The following BRINP1 variants were observed in gnomAD, a reference collection of about 807,000 sequenced individuals.
The protein encoded by BRINP1 is BMP/retinoic acid-inducible neural-specific protein 1.
Under a neutral mutation model 72.9 loss-of-function variants are expected in BRINP1, and 17 were observed. The ratio of observed to expected loss-of-function variants is 0.23; its 90% confidence interval spans 0.16 to 0.35. The LOEUF (loss-of-function observed/expected upper bound fraction) is 0.35, where lower values mean the gene tolerates loss of function less well. BRINP1 is among the 10% of genes least tolerant of loss of function. BRINP1 has a pLI of 1.00. For synonymous variants in BRINP1, 418 were observed against 378.5 expected (o/e 1.10, Z -1.21); for missense variants, 850 against 1,001.6 (o/e 0.85, Z 2.04).
At chr9:119,255,021 T>A (rs1341493628) in intron 2 of BRINP1, among the ~76,000 whole-genome samples, 1 of 152,180 alleles carries the variant, frequency 6.6e-6, no homozygotes, top group East Asian at 1.9e-4. Flanking sequence ...AAGGATTAAA[T>A]CAGAGCCCAA....
chr9:119,197,323 T>C (rs1488380490), intron 7 of BRINP1, among the ~76,000 whole-genome samples: 1 of 152,186 alleles, frequency 6.6e-6, no homozygotes, highest in African/African-American at 2.4e-5. Flanking sequence ...CACTCTCTTC[T>C]CTTGCAGCAT....
intron 3 of BRINP1, among the ~76,000 whole-genome samples, chr9:119,243,832 CAG>C (rs1378876510): frequency 1.3e-5 from 2 of 152,124 alleles, no homozygotes; most frequent in Admixed American, 6.5e-5. Context: ...TCTAGGGATA[CAG>C]AGTCATAGGA....
intron 2 of BRINP1, among the ~76,000 whole-genome samples, chr9:119,251,158 T>C (rs937484536): frequency 1.6e-4 from 24 of 152,176 alleles, no homozygotes. Flanking sequence ...ACTGAGTACC[T>C]TGCATGTTGT....
intron 1 of BRINP1, among the ~76,000 whole-genome samples, chr9:119,331,329 A>C (rs1034228383): frequency 2.0e-5 from 3 of 152,170 alleles, no homozygotes; most frequent in Non-Finnish European, 4.4e-5. Context: ...CCCTGGAGCA[A>C]CCTGCTGCCC....
intron 2 of BRINP1, among the ~76,000 whole-genome samples, chr9:119,255,887 G>A (rs1481939585): frequency 2.0e-5 from 3 of 150,776 alleles, no homozygotes; most frequent in Admixed American, 1.3e-4. Context: ...CCCGGGAGGC[G>A]GAGGCTGCAG....
intron 5 of BRINP1, among the ~76,000 whole-genome samples, chr9:119,231,705 C>T (rs967051180): frequency 6.6e-6 from 1 of 152,076 alleles, no homozygotes; most frequent in Non-Finnish European, 1.5e-5. Context: ...ACTGCTGTCT[C>T]TGTTTTGAAA....
intron 1 of BRINP1, among the ~76,000 whole-genome samples, chr9:119,316,396 AT>A (rs1314645658): frequency 6.6e-6 from 1 of 152,090 alleles, no homozygotes; most frequent in Non-Finnish European, 1.5e-5. Flanking sequence ...CCAACAACCT[AT>A]TTTCAATGTA....
intron 2 of BRINP1, among the ~76,000 whole-genome samples, chr9:119,259,650 A>G (rs1830479441): frequency 6.6e-6 from 1 of 152,218 alleles, no homozygotes; most frequent in Non-Finnish European, 1.5e-5. Context: ...ATCCCATTAA[A>G]CATTGCAATT....
chr9:119,214,255 T>G (rs1393863101), intron 5 of BRINP1, 100 bp from the exon 6 acceptor site: 16 of 853,278 alleles, frequency 1.9e-5, no homozygotes, highest in Non-Finnish European at 2.6e-5. Flanking sequence ...AGCTGCTACA[T>G]TTCTCCCTGT....
intron 1 of BRINP1, among the ~76,000 whole-genome samples, chr9:119,355,442 C>T (rs1831551669): frequency 6.6e-6 from 1 of 152,052 alleles, no homozygotes; most frequent in Non-Finnish European, 1.5e-5. Context: ...AAAAATGATA[C>T]ACCCGGCCGG....
At chr9:119,203,113 C>A (rs1829821585) in intron 7 of BRINP1, among the ~76,000 whole-genome samples, 1 of 152,098 alleles carries the variant, frequency 6.6e-6, no homozygotes, top group East Asian at 1.9e-4. Context: ...CTGCCTTTGG[C>A]TTTACCATAC....
At chr9:119,277,916 A>G (rs951560301) in intron 2 of BRINP1, among the ~76,000 whole-genome samples, 1 of 152,088 alleles carries the variant, frequency 6.6e-6, no homozygotes, top group African/African-American at 2.4e-5. Flanking sequence ...TTACCCCCCT[A>G]CCTCTGCTTA....
At position 119,365,752 on chromosome 9, in the gene BRINP1, C is replaced by A. The variant is rs4400460; in HGVS notation, c.-51+3304G>T. Among the ~76,000 whole-genome samples, 543 of 152,146 alleles carry A rather than the reference C, an allele frequency of 3.6e-3. 7 individuals carry two copies. The highest frequency in any genetic ancestry group is 0.031 in the Middle Eastern group (9 of 290). On this transcript the variant is annotated intron_variant, in intron 1 of 7. Transcript: ENST00000265922. ...CCAGCGGCAAAGATACTCATTGCAG[C>A]CTGAGCTGGGTCGTCTAAACTCAAC...
intron 6 of BRINP1, chr9:119,213,566 A>C: frequency 2.2e-6 from 1 of 454,480 alleles, no homozygotes; most frequent in East Asian, 3.6e-5. Context: ...ACACATACAC[A>C]CACAAATATC....
chr9:119,356,486 G>C (rs547718399), intron 1 of BRINP1, among the ~76,000 whole-genome samples: 2 of 152,202 alleles, frequency 1.3e-5, no homozygotes, highest in South Asian at 4.1e-4. Flanking sequence ...AAAGCATCTG[G>C]CAAAGGATGA....
intron 1 of BRINP1, among the ~76,000 whole-genome samples, chr9:119,335,680 C>T (rs1024918094): frequency 3.3e-5 from 5 of 152,164 alleles, no homozygotes; most frequent in African/African-American, 1.2e-4. Flanking sequence ...TTAATGGACA[C>T]CTATCTAATA....
intron 2 of BRINP1, among the ~76,000 whole-genome samples, chr9:119,292,252 C>T (rs1830828259): frequency 6.6e-6 from 1 of 152,144 alleles, no homozygotes; most frequent in South Asian, 2.1e-4. Flanking sequence ...TGTTTTTCTA[C>T]CCAGTGTTCT....
chr9:119,350,194 T>C (rs1831492811), intron 1 of BRINP1, among the ~76,000 whole-genome samples: 1 of 152,216 alleles, frequency 6.6e-6, no homozygotes, highest in African/African-American at 2.4e-5. Flanking sequence ...ACAACTGCTC[T>C]GGATGAAGGC....
chr9:119,266,668 C>T (rs1457080570), intron 2 of BRINP1, among the ~76,000 whole-genome samples: 1 of 152,212 alleles, frequency 6.6e-6, no homozygotes, highest in Non-Finnish European at 1.5e-5. Flanking sequence ...CTCCTACCCT[C>T]AGTCTCTGGT....
Sources: gnomAD v4.1 joint callset for allele counts (sites outside exome capture counted in the v4.1 genomes callset) on GRCh38, gnomAD v4.1.1 for gene constraint, MANE v1.5 for transcripts, NCBI Gene and HGNC (gene_info 2026-07-23, HGNC 2026-07-21) for gene names.